Variants in ROBO2 observed in about 807,000 individuals in gnomAD.
ROBO2 encodes the protein roundabout guidance receptor 2.
In ROBO2, 53 loss-of-function variants were observed where a neutral mutation model predicts 160.8. That is an observed-to-expected ratio of 0.33 (90% CI 0.26 to 0.41). The LOEUF (loss-of-function observed/expected upper bound fraction) is 0.41. Among genes scored for constraint, ROBO2 ranks in the 10% least tolerant of loss-of-function variants. The pLI, the probability that ROBO2 is intolerant of heterozygous loss-of-function variation, is 1.00. For missense variants in ROBO2, 1,577 were observed against 1,722.4 expected, an observed-to-expected ratio of 0.92 and a Z score of 1.49; for synonymous variants, 664 against 611.7, an observed-to-expected ratio of 1.09 and a Z score of -1.26.
intron 2 of ROBO2, among the ~76,000 whole-genome samples, chr3:76,800,644 G>A (rs2064126848): frequency 6.6e-6 from 1 of 152,088 alleles, no homozygotes; most frequent in Admixed American, 6.6e-5. Context: ...TTGATCATCA[G>A]AGAAATGCAA....
chr3:76,280,111 A>G (rs1043800115), intron 2 of ROBO2, among the ~76,000 whole-genome samples: 1 of 152,024 alleles, frequency 6.6e-6, no homozygotes. Flanking sequence ...ATAGAACATT[A>G]CAAAATAAGC....
At chr3:76,321,482 G>A (rs1016249456) in intron 2 of ROBO2, among the ~76,000 whole-genome samples, 1 of 142,848 alleles carries the variant, frequency 7.0e-6, no homozygotes, top group South Asian at 2.5e-4. Flanking sequence ...TGGCAACAGA[G>A]CGAGGCTCCA....
intron 2 of ROBO2, among the ~76,000 whole-genome samples, chr3:76,731,803 T>A (rs920743837): frequency 6.6e-6 from 1 of 152,186 alleles, no homozygotes; most frequent in Non-Finnish European, 1.5e-5. Context: ...AAGGACGATG[T>A]CTTAGGAATT....
At chr3:76,598,719 A>C (rs1056391768) in intron 2 of ROBO2, among the ~76,000 whole-genome samples, 1 of 152,164 alleles carries the variant, frequency 6.6e-6, no homozygotes, top group African/African-American at 2.4e-5. Context: ...TGTTCATATA[A>C]AATTGAAAGG....
chr3:76,888,122 C>A (rs957429432), intron 2 of ROBO2, among the ~76,000 whole-genome samples: 1 of 152,122 alleles, frequency 6.6e-6, no homozygotes, highest in Non-Finnish European at 1.5e-5. Flanking sequence ...AATCCCAGCA[C>A]TTCGGGAGGC....
At chr3:77,580,210 C>T (rs982057207) in intron 16 of ROBO2, 92 bp downstream of exon 17, 14 of 1,152,594 alleles carry the variant, frequency 1.2e-5, no homozygotes, top group Admixed American at 1.8e-5. Flanking sequence ...AGTGAATATA[C>T]ACTTATGAAT....
chr3:75,968,183 T>G (rs1200659043), intron 2 of ROBO2, among the ~76,000 whole-genome samples: 1 of 151,554 alleles, frequency 6.6e-6, no homozygotes, highest in African/African-American at 2.4e-5. Context: ...TTTCATATGT[T>G]GCAAAAATAA....
intron 2 of ROBO2, among the ~76,000 whole-genome samples, chr3:75,996,892 T>C (rs942323455): frequency 2.0e-5 from 3 of 152,202 alleles, no homozygotes; most frequent in African/African-American, 7.2e-5. Flanking sequence ...CTACTCACTA[T>C]GCTGCATGAT....
intron 2 of ROBO2, among the ~76,000 whole-genome samples, chr3:75,992,658 G>A (rs2065607599): frequency 6.6e-6 from 1 of 152,148 alleles, no homozygotes; most frequent in African/African-American, 2.4e-5. Flanking sequence ...GAGGGCCACT[G>A]TCCTCCAGAA....
chr3:76,791,697 G>T (rs2063363844), intron 2 of ROBO2, among the ~76,000 whole-genome samples: 1 of 151,650 alleles, frequency 6.6e-6, no homozygotes, highest in Admixed American at 6.6e-5. Context: ...CCAAATTCTG[G>T]ATCTTCAGAA....
intron 2 of ROBO2, among the ~76,000 whole-genome samples, chr3:76,160,635 A>G (rs1297715563): frequency 1.3e-5 from 2 of 152,162 alleles, no homozygotes; most frequent in African/African-American, 2.4e-5. Context: ...GTAAAGGATC[A>G]GTGGTTTTAC....
rs1300889784 is a variant in ROBO2, at chr3:75,948,134, G to A, written c.109+10532G>A. On this transcript the variant is annotated intron_variant, in intron 2 of 26. Transcript: ENST00000487694. ...TGGTACAAAATCCTTATTGGAATGG[G>A]CTTAAGCATTAATGGGAATAAGGAT... Among the ~76,000 whole-genome samples, 24 of 152,080 alleles carry A rather than the reference G, an allele frequency of 1.6e-4. 1 individual carries two copies. The highest frequency in any genetic ancestry group is 6.6e-5 in the Admixed American group (1 of 15,238).
intron 2 of ROBO2, among the ~76,000 whole-genome samples, chr3:75,998,394 C>T (rs1029692349): frequency 6.6e-6 from 1 of 152,134 alleles, no homozygotes; most frequent in African/African-American, 2.4e-5. Context: ...TAATAGACTG[C>T]AGTTTTTGTA....
At chr3:76,132,676 T>C (rs994502584) in intron 2 of ROBO2, among the ~76,000 whole-genome samples, 4 of 152,150 alleles carry the variant, frequency 2.6e-5, no homozygotes, top group Non-Finnish European at 5.9e-5. Flanking sequence ...GGCCTTCTTC[T>C]AAAACATGTA....
rs142669865 is a variant in ROBO2 at position 76,142,205 on chromosome 3, G to T, written c.109+204603G>T. ...ACAAGAATAAAATCAATTGTTTCGG[G>T]TACACTTATGCAATAAATAAATAGT... On this transcript the variant is annotated intron_variant, in intron 2 of 26. Coordinates refer to the ROBO2 transcript ENST00000487694. 5.9e-5 allele frequency among the ~76,000 whole-genome samples: 9 copies of T among 152,016 alleles called. 1 individual carries two copies. The highest frequency in any genetic ancestry group is 2.2e-4 in the African/African-American group (9 of 41,500).
intron 2 of ROBO2, among the ~76,000 whole-genome samples, chr3:76,981,325 G>A (rs2060085979): frequency 1.3e-5 from 2 of 152,164 alleles, no homozygotes; most frequent in South Asian, 4.1e-4. Context: ...TTGTATGGAA[G>A]ATTCCAATTT....
intron 2 of ROBO2, chr3:76,434,853 G>C (rs889882751): frequency 6.3e-7 from 1 of 1,577,212 alleles, no homozygotes; most frequent in African/African-American, 1.3e-5. Flanking sequence ...CAAGAACCCT[G>C]CCCTGAAGGC....
chr3:76,193,319 C>T (rs1403560283), intron 2 of ROBO2, among the ~76,000 whole-genome samples: 2 of 152,132 alleles, frequency 1.3e-5, no homozygotes, highest in African/African-American at 4.8e-5. Context: ...GATAACTTTA[C>T]TTTATTCTCC....
intron 2 of ROBO2, among the ~76,000 whole-genome samples, chr3:77,291,465 T>C (rs1347834788): frequency 1.3e-5 from 2 of 150,598 alleles, no homozygotes; most frequent in South Asian, 2.1e-4. Flanking sequence ...AATTGATGGT[T>C]AAACGGGTAG....
Sources: gnomAD v4.1 joint callset for allele counts (sites outside exome capture counted in the v4.1 genomes callset) on GRCh38, gnomAD v4.1.1 for gene constraint, MANE v1.5 for transcripts, NCBI Gene and HGNC (gene_info 2026-07-23, HGNC 2026-07-21) for gene names.